The following GSE1 variants were observed in gnomAD, a reference collection of about 807,000 sequenced individuals.
GSE1 encodes genetic suppressor element 1.
In GSE1, 32 loss-of-function variants were observed where a neutral mutation model predicts 112.6. That is an observed-to-expected ratio of 0.28 (90% CI 0.21 to 0.38). The LOEUF is 0.38. Ranked by LOEUF, GSE1 falls within the 10% of genes least tolerant of loss-of-function variation. The pLI is 1.00. For missense variants in GSE1, 2,348 were observed against 1,699.2 expected (o/e 1.38, Z -6.71); for synonymous variants, 1,115 against 735.6 (o/e 1.52, Z -8.35).
In GSE1 at chr16:85,205,371, A is replaced by T. The variant is rs147530629; in HGVS notation, c.2283+33564A>T. 6.7e-3 allele frequency among the ~76,000 whole-genome samples: 1,023 copies of T among 152,216 alleles called. 12 individuals are homozygous for T. Among genetic ancestry groups the T allele is most frequent in the African/African-American group, 0.019 (800 of 41,520 alleles). ...GGTCTTGAACTCCTGGCTTCCAGTG[A>T]TCCGCCTGCCTTGGCCTCCCAAAGT... On this transcript the variant is annotated intron_variant, in intron 1 of 2. Transcript: ENST00000637419.
chr16:85,375,174 C>T (rs893451008), intron 2 of GSE1, among the ~76,000 whole-genome samples: 5 of 152,246 alleles, frequency 3.3e-5, no homozygotes, highest in South Asian at 2.1e-4. Flanking sequence ...TCAGGCTGTG[C>T]GAGCTGCCGG....
rs111911568 is a variant in GSE1, at chr16:85,625,574, G to A, written c.8-8340G>A. Reference sequence around the variant, plus strand: ...CAATGCTGTTGTGTGGACGTCTCCCGAGAGCTCTGCACCCCGTGTTCTTCT... The same window carrying A: ...CAATGCTGTTGTGTGGACGTCTCCCAAGAGCTCTGCACCCCGTGTTCTTCT... On this transcript the variant is annotated intron_variant, in intron 1 of 15. Coordinates refer to ENST00000253458, the MANE Select transcript of GSE1 (RefSeq NM_014615.5). Among the ~76,000 whole-genome samples the A allele has an allele frequency of 1.7e-3, 253 of 152,206 alleles. 1 individual carries two copies. Among genetic ancestry groups the A allele is most frequent in the Non-Finnish European group, 2.8e-3 (191 of 68,000 alleles).
intron 2 of GSE1, among the ~76,000 whole-genome samples, chr16:85,428,415 G>C (rs1329583794): frequency 6.6e-6 from 1 of 152,258 alleles, no homozygotes; most frequent in East Asian, 1.9e-4. Flanking sequence ...TGCTGGCCCT[G>C]TAACGCTGTG....
At chr16:85,574,668 G>T (rs2046146225) in intron 1 of GSE1, among the ~76,000 whole-genome samples, 1 of 152,238 alleles carries the variant, frequency 6.6e-6, no homozygotes, top group Non-Finnish European at 1.5e-5. Flanking sequence ...GCCCAAGAAG[G>T]CGCTGGTGTG....
chr16:85,430,332 G>A (rs901925709), intron 2 of GSE1, among the ~76,000 whole-genome samples: 2 of 152,176 alleles, frequency 1.3e-5, no homozygotes, highest in South Asian at 4.1e-4. Context: ...ATAATGGCCG[G>A]ACACCCAGAC....
At chr16:85,642,133 C>T (rs1290823470) in intron 2 of GSE1, among the ~76,000 whole-genome samples, 1 of 152,202 alleles carries the variant, frequency 6.6e-6, no homozygotes, top group Non-Finnish European at 1.5e-5. Context: ...GCTGAGTGGA[C>T]TCTGCCCAGA....
intron 2 of GSE1, among the ~76,000 whole-genome samples, chr16:85,430,351 G>A (rs1447736878): frequency 6.6e-6 from 1 of 152,170 alleles, no homozygotes; most frequent in Admixed American, 6.5e-5. Flanking sequence ...ACAGCCTCCC[G>A]TGCAGTCCTC....
At chr16:85,381,059 G>A (rs4783180) in intron 2 of GSE1, among the ~76,000 whole-genome samples, 1 of 152,118 alleles carries the variant, frequency 6.6e-6, no homozygotes, top group Non-Finnish European at 1.5e-5. Flanking sequence ...AAAACATTTC[G>A]TCACCCCAAA....
At position 85,599,985 on chromosome 16, in the gene GSE1, C is replaced by T. The variant is rs192592116; in HGVS notation, c.37+43622C>T. Among the ~76,000 whole-genome samples, 34 of 152,312 alleles carry T rather than the reference C, an allele frequency of 2.2e-4. No individual in the cohort carries two copies. The South Asian group carries it at 5.4e-3, about 24-fold the overall frequency. ...AGGGCGGCAGCTGTCCTCCCTGTGA[C>T]GGGGACCTGGCAAGGTCCCTCCTGT... On this transcript the variant is annotated intron_variant, in intron 1 of 2. Transcript: ENST00000635906.
intron 1 of GSE1, among the ~76,000 whole-genome samples, chr16:85,588,748 A>G (rs2046826404): frequency 6.6e-6 from 1 of 152,164 alleles, no homozygotes; most frequent in East Asian, 1.9e-4. Flanking sequence ...AACAAGGAGC[A>G]CTTTCCTGGA....
At chr16:85,469,963 G>T (rs150993582) in intron 2 of GSE1, among the ~76,000 whole-genome samples, 2 of 152,152 alleles carry the variant, frequency 1.3e-5, no homozygotes, top group African/African-American at 2.4e-5. Context: ...GTGGTTCCCC[G>T]CAGTGGCAAC....
At chr16:85,427,631 C>T (rs1464030877) in intron 2 of GSE1, among the ~76,000 whole-genome samples, 1 of 140,682 alleles carries the variant, frequency 7.1e-6, no homozygotes, top group Non-Finnish European at 1.6e-5. Flanking sequence ...GACAGAGCAG[C>T]ACTCCATCTC....
At chr16:85,647,083 A>AG (rs1490789143) in intron 2 of GSE1, among the ~76,000 whole-genome samples, 1 of 152,112 alleles carries the variant, frequency 6.6e-6, no homozygotes, top group East Asian at 1.9e-4. Context: ...TGAAGGAGGA[A>AG]GCCCCTTCCC....
chr16:85,347,511 C>T (rs1224571285), intron 1 of GSE1, among the ~76,000 whole-genome samples: 1 of 152,150 alleles, frequency 6.6e-6, no homozygotes, highest in Non-Finnish European at 1.5e-5. Flanking sequence ...CTGAGTGTGT[C>T]CTGAGGCTGT....
intron 1 of GSE1, among the ~76,000 whole-genome samples, chr16:85,201,973 G>C (rs942379197): frequency 6.6e-6 from 1 of 152,250 alleles, no homozygotes; most frequent in Non-Finnish European, 1.5e-5. Flanking sequence ...TGGTAAGAGA[G>C]AGAGATACAT....
intron 2 of GSE1, among the ~76,000 whole-genome samples, chr16:85,367,724 G>A (rs113424358): frequency 0.018 from 2,712 of 152,320 alleles, 74 homozygotes; most frequent in African/African-American, 0.061. Flanking sequence ...TCTCCAGTGC[G>A]TGGCACAGTG....
chr16:85,380,539 C>A (rs1316150034), intron 2 of GSE1, among the ~76,000 whole-genome samples: 1 of 152,002 alleles, frequency 6.6e-6, no homozygotes, highest in Non-Finnish European at 1.5e-5. Context: ...CCTGGTACCC[C>A]CAGCTCCCAA....
At chr16:85,550,538 C>T (rs1023536017) in intron 2 of GSE1, among the ~76,000 whole-genome samples, 1 of 152,058 alleles carries the variant, frequency 6.6e-6, no homozygotes, top group Non-Finnish European at 1.5e-5. Flanking sequence ...CCCGCCCCTC[C>T]CTTTCCTGGA....
At chr16:85,210,599 C>A (rs2075208642) in intron 1 of GSE1, among the ~76,000 whole-genome samples, 1 of 151,860 alleles carries the variant, frequency 6.6e-6, no homozygotes, top group Non-Finnish European at 1.5e-5. Flanking sequence ...AAAAAAAAAA[C>A]ACCCCAGTGA....
Sources: gnomAD v4.1 joint callset for allele counts (sites outside exome capture counted in the v4.1 genomes callset) on GRCh38, gnomAD v4.1.1 for gene constraint, MANE v1.5 for transcripts, NCBI Gene and HGNC (gene_info 2026-07-23, HGNC 2026-07-21) for gene names.